TDRD3: variants seen among roughly 807,000 people sequenced by gnomAD.
The protein encoded by TDRD3 is tudor domain-containing protein 3.
In TDRD3, 45 loss-of-function variants were observed where a neutral mutation model predicts 86.7. The ratio of observed to expected loss-of-function variants is 0.52; its 90% confidence interval spans 0.41 to 0.67. The LOEUF (loss-of-function observed/expected upper bound fraction) is 0.67, where lower values mean the gene tolerates loss of function less well. Ranked by LOEUF, TDRD3 falls within the 30% of genes least tolerant of loss-of-function variation. TDRD3 has a pLI of 0.00. For synonymous variants in TDRD3, 298 were observed against 301.7 expected (o/e 0.99, Z 0.13); for missense variants, 814 against 889.0 (o/e 0.92, Z 1.07).
intron 3 of TDRD3, among the ~76,000 whole-genome samples, chr13:60,452,922 G>T (rs1190203109): frequency 2.0e-5 from 3 of 151,246 alleles, no homozygotes; most frequent in Admixed American, 2.0e-4. Context: ...ACTCTTGTCA[G>T]TTATCAGTTT....
At chr13:60,486,119 A>C (rs1233105499) in intron 7 of TDRD3, among the ~76,000 whole-genome samples, 171 bp downstream of exon 7, 1 of 152,148 alleles carries the variant, frequency 6.6e-6, no homozygotes, top group East Asian at 1.9e-4. Flanking sequence ...GGGATCTTAC[A>C]TATTTTATTC....
chr13:60,410,302 A>G (rs1031069675), intron 1 of TDRD3, among the ~76,000 whole-genome samples: 1 of 152,214 alleles, frequency 6.6e-6, no homozygotes, highest in African/African-American at 2.4e-5. Flanking sequence ...TTAATGAGGC[A>G]AAGAAGTAGG....
chr13:60,501,969 TG>T (rs1956844416), intron 8 of TDRD3, among the ~76,000 whole-genome samples: 1 of 152,168 alleles, frequency 6.6e-6, no homozygotes, highest in African/African-American at 2.4e-5. Flanking sequence ...GGAAACTCTC[TG>T]TCTGATATTC....
chr13:60,508,680 A>G (rs1956989388), intron 8 of TDRD3, among the ~76,000 whole-genome samples: 1 of 152,222 alleles, frequency 6.6e-6, no homozygotes, highest in Admixed American at 6.5e-5. Flanking sequence ...AAGAAAACCT[A>G]GGCAATACCA....
At chr13:60,510,802 C>CTTTTT in intron 10 of TDRD3, 47 bp downstream of exon 10, 1 of 1,204,020 alleles carries the variant, frequency 8.3e-7, no homozygotes, top group South Asian at 2.2e-5. Flanking sequence ...TCTTTTCTTT[C>CTTTTT]TTTTTTTTTT....
At chr13:60,470,876 C>T (rs1391018122) in intron 5 of TDRD3, among the ~76,000 whole-genome samples, 1 of 152,126 alleles carries the variant, frequency 6.6e-6, no homozygotes, top group Non-Finnish European at 1.5e-5. Context: ...AGCCACCATG[C>T]CCGGCCTTCA....
intron 7 of TDRD3, among the ~76,000 whole-genome samples, chr13:60,493,213 C>T (rs1302576429): frequency 5.3e-5 from 8 of 151,750 alleles, no homozygotes; most frequent in Admixed American, 2.0e-4. Flanking sequence ...CCACCGCGCC[C>T]GGCCTCAAAT....
At chr13:60,429,163 C>G (rs564166571) in intron 1 of TDRD3, among the ~76,000 whole-genome samples, 2 of 152,202 alleles carry the variant, frequency 1.3e-5, no homozygotes, top group African/African-American at 4.8e-5. Context: ...TTAGTATTTA[C>G]CTGTTTAGTG....
intron 1 of TDRD3, among the ~76,000 whole-genome samples, chr13:60,411,251 A>G (rs1280386123): frequency 1.3e-5 from 2 of 152,218 alleles, no homozygotes; most frequent in African/African-American, 4.8e-5. Context: ...AACAAGTTGA[A>G]TTAAAAATTC....
At chr13:60,529,879 C>G (rs1409624058) in intron 11 of TDRD3, among the ~76,000 whole-genome samples, 1 of 151,858 alleles carries the variant, frequency 6.6e-6, no homozygotes, top group Non-Finnish European at 1.5e-5. Flanking sequence ...TAAAAGCCTA[C>G]CCAAGAGATA....
intron 1 of TDRD3, among the ~76,000 whole-genome samples, chr13:60,401,268 A>G (rs1259072292): frequency 6.6e-6 from 1 of 152,226 alleles, no homozygotes; most frequent in Non-Finnish European, 1.5e-5. Context: ...TAACAATACA[A>G]CAACAAAAAT....
In TDRD3 at chr13:60,518,309, T is replaced by C. The variant is rs541020885; in HGVS notation, c.1141+7554T>C. Among the ~76,000 whole-genome samples the C allele has an allele frequency of 2.7e-4, 41 of 152,282 alleles. 1 individual carries two copies. The South Asian group carries it at 8.3e-3, about 31-fold the overall frequency. On this transcript the variant is annotated intron_variant, in intron 10 of 13. Transcript: ENST00000377881. ...ATTCTGGTGCTGGCTGTTGAGCCCC[T>C]CTCAAGCTGTGCATCTTAACACTGG...
chr13:60,433,980 A>G (rs1405363373), intron 1 of TDRD3: 1 of 152,198 alleles, frequency 6.6e-6, no homozygotes, highest in Non-Finnish European at 1.5e-5. Context: ...GTTTAAAACA[A>G]TAGTGTTTGT....
intron 7 of TDRD3, among the ~76,000 whole-genome samples, chr13:60,493,804 T>A (rs1418383768): frequency 1.3e-5 from 2 of 152,198 alleles, no homozygotes; most frequent in Non-Finnish European, 2.9e-5. Flanking sequence ...CCTAATAGTT[T>A]TGAAAAACAA....
At chr13:60,489,733 T>C (rs1039539795) in intron 7 of TDRD3, among the ~76,000 whole-genome samples, 5 of 152,296 alleles carry the variant, frequency 3.3e-5, no homozygotes, top group Admixed American at 1.3e-4. Flanking sequence ...AGGCATACTT[T>C]TAAAAAAACA....
At chr13:60,519,131 AT>A (rs1957234050) in intron 10 of TDRD3, among the ~76,000 whole-genome samples, 1 of 152,126 alleles carries the variant, frequency 6.6e-6, no homozygotes, top group African/African-American at 2.4e-5. Context: ...ACTAGAACAC[AT>A]GAGCCTCTTT....
chr13:60,521,245 A>G (rs1296861387), intron 10 of TDRD3, among the ~76,000 whole-genome samples: 1 of 152,222 alleles, frequency 6.6e-6, no homozygotes, highest in African/African-American at 2.4e-5. Context: ...AGCTAAGCCC[A>G]GGTAATGGTG....
In TDRD3 at chr13:60,496,287, CCATATATATATATATATATA is replaced by C. The variant is rs1379573870; in HGVS notation, c.858+1713_858+1732del. 5.2e-4 allele frequency among the ~76,000 whole-genome samples: 30 copies of C among 57,498 alleles called. 1 individual carries two copies. The highest frequency in any genetic ancestry group is 9.0e-4 in the Non-Finnish European group (29 of 32,068). The allele number at this position is 57,498 out of a possible 152,430, so 37.7% of individuals were successfully genotyped here. A position where few individuals can be genotyped will look rare whatever the true frequency, so the allele number is the denominator to read the frequency against. ...TTGTGAGTTAATACTTAACAAACTC[CCATATATATATATATATATA>C]TATATATATATATATATATATATAT... On this transcript the variant is annotated intron_variant, in intron 8 of 13. Coordinates refer to ENST00000377881, the MANE Select transcript of TDRD3 (RefSeq NM_001146070.2).
chr13:60,571,101 A>T (rs972761178), intron 13 of TDRD3, among the ~76,000 whole-genome samples: 1 of 152,174 alleles, frequency 6.6e-6, no homozygotes, highest in Admixed American at 6.6e-5. Context: ...ATAAAAAAAA[A>T]TTGGTGGGGG....
Sources: gnomAD v4.1 joint callset for allele counts (sites outside exome capture counted in the v4.1 genomes callset) on GRCh38, gnomAD v4.1.1 for gene constraint, MANE v1.5 for transcripts, NCBI Gene and HGNC (gene_info 2026-07-23, HGNC 2026-07-21) for gene names.